Variants in SKAP1 observed in about 807,000 individuals in gnomAD.
SKAP1 encodes the protein src kinase-associated phosphoprotein 1.
In SKAP1, 44 loss-of-function variants were observed where a neutral mutation model predicts 58.5. The observed-to-expected ratio is 0.75, with a 90% CI of 0.59 to 0.97. The LOEUF is 0.97. SKAP1 is among the 50% of genes least tolerant of loss of function. The pLI is 0.00. For synonymous variants in SKAP1, 127 were observed against 149.7 expected, an observed-to-expected ratio of 0.85 and a Z score of 1.11; for missense variants, 390 against 435.2, an observed-to-expected ratio of 0.90 and a Z score of 0.92.
chr17:48,313,680 A>G (rs971490741), intron 4 of SKAP1, among the ~76,000 whole-genome samples: 9 of 152,230 alleles, frequency 5.9e-5, no homozygotes, highest in Non-Finnish European at 1.2e-4. Flanking sequence ...TGGAAACTAG[A>G]AAGTTCCCAC....
At chr17:48,376,533 A>T (rs2067152684) in intron 2 of SKAP1, among the ~76,000 whole-genome samples, 1 of 152,234 alleles carries the variant, frequency 6.6e-6, no homozygotes, top group African/African-American at 2.4e-5. Flanking sequence ...GAACATGGAC[A>T]TATTATTCAC....
chr17:48,294,839 T>C (rs2065944353), intron 4 of SKAP1, among the ~76,000 whole-genome samples: 1 of 152,146 alleles, frequency 6.6e-6, no homozygotes. Flanking sequence ...CAATATATAG[T>C]AGCAACAGTT....
At chr17:48,287,098 AAAATAAATAAATAAATAAAT>A (rs57589895) in intron 4 of SKAP1, among the ~76,000 whole-genome samples, 5 of 147,004 alleles carry the variant, frequency 3.4e-5, no homozygotes, top group Admixed American at 2.7e-4. Flanking sequence ...CTCCGTCTCA[AAAATAAATAAATAAATAAAT>A]AAATAAATAA....
intron 1 of SKAP1, among the ~76,000 whole-genome samples, chr17:48,424,947 AAAAG>A (rs1478124539): frequency 6.7e-6 from 1 of 149,052 alleles, no homozygotes; most frequent in Non-Finnish European, 1.5e-5. Context: ...AAAAAAAAGA[AAAAG>A]AAAAAGAAAA....
intron 3 of SKAP1, among the ~76,000 whole-genome samples, chr17:48,356,029 C>A (rs1449612670): frequency 4.6e-5 from 7 of 151,850 alleles, no homozygotes; most frequent in Admixed American, 3.9e-4. Flanking sequence ...CTGAGGTGGG[C>A]AAATCTCTTG....
chr17:48,194,868 CA>C (rs1312289825), intron 4 of SKAP1, among the ~76,000 whole-genome samples: 3 of 152,064 alleles, frequency 2.0e-5, no homozygotes, highest in Non-Finnish European at 2.9e-5. Flanking sequence ...TGAAGTTTAG[CA>C]GGATCCTTCA....
intron 3 of SKAP1, among the ~76,000 whole-genome samples, chr17:48,350,641 A>G (rs1230595261): frequency 3.9e-5 from 6 of 152,206 alleles, no homozygotes; most frequent in Non-Finnish European, 7.3e-5. Context: ...GGTTGCGGTG[A>G]GCCGAGATTG....
the SKAP1 span, among the ~76,000 whole-genome samples, chr17:48,436,805 T>C: frequency 6.6e-6 from 1 of 152,188 alleles, no homozygotes; most frequent in Admixed American, 6.5e-5. Flanking sequence ...CAAAGGGATA[T>C]CTCTCCCAAG....
At chr17:48,406,635 G>A (rs1045402585) in intron 1 of SKAP1, among the ~76,000 whole-genome samples, 2 of 151,762 alleles carry the variant, frequency 1.3e-5, no homozygotes, top group Admixed American at 6.6e-5. Context: ...GTGCGATCTC[G>A]GCTCACTGCA....
intron 9 of SKAP1, among the ~76,000 whole-genome samples, chr17:48,171,093 G>GTTTTTTTTTT (rs71141969): frequency 1.4e-5 from 1 of 70,242 alleles, no homozygotes; most frequent in Non-Finnish European, 2.4e-5. Flanking sequence ...AATTACTGTT[G>GTTTTTTTTTT]TTTTTTTTTT....
the SKAP1 span, among the ~76,000 whole-genome samples, chr17:48,435,981 C>T: frequency 6.6e-6 from 1 of 152,316 alleles, no homozygotes; most frequent in Middle Eastern, 3.4e-3. Context: ...ATACCTTTGC[C>T]CTAGTGGATA....
intron 2 of SKAP1, among the ~76,000 whole-genome samples, chr17:48,393,704 C>T (rs370490942): frequency 2.2e-4 from 34 of 151,826 alleles, no homozygotes; most frequent in Admixed American, 1.1e-3. Flanking sequence ...GAGCAATACA[C>T]GTTGAGGAAA....
chr17:48,190,756 C>T (rs1281672925), intron 4 of SKAP1, among the ~76,000 whole-genome samples: 1 of 152,050 alleles, frequency 6.6e-6, no homozygotes, highest in Non-Finnish European at 1.5e-5. Context: ...GGGGCTGAGG[C>T]AGGCAAATCA....
chr17:48,271,646 G>T (rs185232296), intron 4 of SKAP1, among the ~76,000 whole-genome samples: 16 of 152,190 alleles, frequency 1.1e-4, no homozygotes, highest in Non-Finnish European at 2.9e-5. Context: ...ACAGACATGA[G>T]CTACTGCACC....
At chr17:48,201,133 G>A (rs939109041) in intron 4 of SKAP1, among the ~76,000 whole-genome samples, 3 of 152,154 alleles carry the variant, frequency 2.0e-5, no homozygotes, top group Non-Finnish European at 4.4e-5. Context: ...GGAGAAAGTG[G>A]GGGTGCAGAA....
At chr17:48,331,483 T>C (rs1316200526) in intron 4 of SKAP1, among the ~76,000 whole-genome samples, 1 of 152,080 alleles carries the variant, frequency 6.6e-6, no homozygotes, top group East Asian at 1.9e-4. Flanking sequence ...GCGGATCACC[T>C]GAGGTCGGGA....
In SKAP1 at chr17:48,371,912, C is replaced by T. The variant is rs577581467; in HGVS notation, c.153-8098G>A. 4.6e-5 allele frequency among the ~76,000 whole-genome samples: 7 copies of T among 151,538 alleles called. No homozygotes were observed. The South Asian group carries it at 1.5e-3, about 32-fold the overall frequency. On this transcript the variant is annotated intron_variant, in intron 2 of 12. Transcript: ENST00000336915. The stretch of plus-strand genomic sequence containing the variant: ...TTCCCAATTATAAAAAAATGATTAA[C>T]ATTTATTAGCACTTACATGTTAGGC...
At chr17:48,287,529 A>G (rs2065846078) in intron 4 of SKAP1, among the ~76,000 whole-genome samples, 1 of 152,202 alleles carries the variant, frequency 6.6e-6, no homozygotes, top group Non-Finnish European at 1.5e-5. Context: ...AGTTCCTACT[A>G]GGCACAGAAA....
chr17:48,413,250 C>G (rs1298260529), intron 1 of SKAP1, among the ~76,000 whole-genome samples: 2 of 151,730 alleles, frequency 1.3e-5, no homozygotes, highest in Admixed American at 6.6e-5. Flanking sequence ...CGCAGTAGCT[C>G]ACGCCTGTAA....
Sources: allele counts gnomAD v4.1 joint callset (sites outside exome capture counted in the v4.1 genomes callset), GRCh38; gene constraint gnomAD v4.1.1; transcripts MANE v1.5; gene names NCBI Gene and HGNC (gene_info 2026-07-23, HGNC 2026-07-21).